CAMK2D: variants seen among roughly 807,000 people sequenced by gnomAD.
CAMK2D encodes the protein calcium/calmodulin-dependent protein kinase type II subunit delta.
CAMK2D carries 37 observed loss-of-function variants against 84.0 expected under a neutral mutation model. That is an observed-to-expected ratio of 0.44 (90% CI 0.34 to 0.58). The LOEUF (loss-of-function observed/expected upper bound fraction) is 0.58, where lower values mean the gene tolerates loss of function less well. CAMK2D is among the 20% of genes least tolerant of loss of function. The pLI is 0.02. For missense variants in CAMK2D, 448 were observed against 652.5 expected (o/e 0.69, Z 3.41); for synonymous variants, 202 against 212.5 (o/e 0.95, Z 0.43).
At chr4:113,508,878 A>G (rs558383666) in intron 13 of CAMK2D, among the ~76,000 whole-genome samples, 1 of 152,298 alleles carries the variant, frequency 6.6e-6, no homozygotes, top group Admixed American at 6.6e-5. Context: ...GAATGTATGC[A>G]TCTGTCCTTG....
At chr4:113,607,102 A>G (rs2098980935) in intron 4 of CAMK2D, among the ~76,000 whole-genome samples, 1 of 152,180 alleles carries the variant, frequency 6.6e-6, no homozygotes, top group African/African-American at 2.4e-5. Flanking sequence ...ATTTGTTGCT[A>G]GCATACCTAT....
chr4:113,747,843 G>A (rs772345603), intron 2 of CAMK2D, among the ~76,000 whole-genome samples: 4 of 151,822 alleles, frequency 2.6e-5, no homozygotes, highest in Admixed American at 1.3e-4. Flanking sequence ...TTAATGATTC[G>A]TTGGAAGAAA....
At chr4:113,579,823 C>A (rs373047120) in intron 4 of CAMK2D, among the ~76,000 whole-genome samples, 31 of 152,278 alleles carry the variant, frequency 2.0e-4, no homozygotes, top group African/African-American at 6.7e-4. Context: ...AAACAGAGAA[C>A]TTTATTAAAA....
chr4:113,723,939 C>G (rs1002977101), intron 2 of CAMK2D, among the ~76,000 whole-genome samples: 1 of 152,086 alleles, frequency 6.6e-6, no homozygotes, highest in South Asian at 2.1e-4. Context: ...TTATTAATTG[C>G]CTTTTCAATA....
intron 4 of CAMK2D, among the ~76,000 whole-genome samples, chr4:113,568,699 CAT>C (rs1306233004): frequency 6.6e-6 from 1 of 152,188 alleles, no homozygotes; most frequent in Non-Finnish European, 1.5e-5. Context: ...CAGCAACCTA[CAT>C]GAGTTCCAAC....
chr4:113,645,969 G>A (rs2099150343), intron 3 of CAMK2D, among the ~76,000 whole-genome samples: 1 of 152,230 alleles, frequency 6.6e-6, no homozygotes, highest in Non-Finnish European at 1.5e-5. Flanking sequence ...ACGATAAGGA[G>A]ATGTTAAGGA....
intron 2 of CAMK2D, among the ~76,000 whole-genome samples, chr4:113,679,199 G>T (rs902961725): frequency 2.0e-5 from 3 of 152,002 alleles, no homozygotes; most frequent in Admixed American, 1.3e-4. Flanking sequence ...AAAAAATAAG[G>T]AAATATGAAA....
rs572880051 is a variant in CAMK2D at position 113,636,058 on chromosome 4, A to G, written c.220+25655T>C. 2.0e-4 allele frequency among the ~76,000 whole-genome samples: 30 copies of G among 152,276 alleles called. No individual in the cohort carries two copies. In the East Asian group the frequency reaches 2.7e-3, roughly 14 times the overall value. ...CTACCAGATTTCAGACTCACATCCA[A>G]TGACGTCTTTGGCATCTCCAACTCA... On this transcript the variant is annotated intron_variant, in intron 3 of 20. Coordinates refer to ENST00000511664, the MANE Select transcript of CAMK2D (RefSeq NM_001321571.2).
At chr4:113,520,086 C>T (rs1304068370) in intron 8 of CAMK2D, among the ~76,000 whole-genome samples, 1 of 152,130 alleles carries the variant, frequency 6.6e-6, no homozygotes, top group East Asian at 1.9e-4. Flanking sequence ...GCTAGGTCCT[C>T]TAAACAAATG....
chr4:113,610,886 C>T (rs988652317), intron 3 of CAMK2D, among the ~76,000 whole-genome samples: 22 of 152,104 alleles, frequency 1.4e-4, no homozygotes. Flanking sequence ...GTCACCAATA[C>T]TGCCCAACAG....
intron 16 of CAMK2D, among the ~76,000 whole-genome samples, chr4:113,473,117 C>A (rs2097566487): frequency 6.6e-6 from 1 of 152,136 alleles, no homozygotes; most frequent in Admixed American, 6.6e-5. Flanking sequence ...CACCTAAATG[C>A]CTTTGAACTT....
At chr4:113,626,783 C>G (rs981376015) in intron 3 of CAMK2D, among the ~76,000 whole-genome samples, 2 of 152,114 alleles carry the variant, frequency 1.3e-5, no homozygotes, top group African/African-American at 4.8e-5. Flanking sequence ...CAGCATCTAA[C>G]TTTAAACAAC....
intron 2 of CAMK2D, among the ~76,000 whole-genome samples, chr4:113,737,117 C>T (rs1244385180): frequency 1.3e-5 from 2 of 152,154 alleles, no homozygotes; most frequent in South Asian, 2.1e-4. Context: ...AACTTTATCA[C>T]TGATATACTT....
chr4:113,600,326 G>T (rs1244144872), intron 4 of CAMK2D, among the ~76,000 whole-genome samples: 1 of 152,134 alleles, frequency 6.6e-6, no homozygotes, highest in African/African-American at 2.4e-5. Flanking sequence ...TTATACAGTA[G>T]TACAATGTAC....
intron 2 of CAMK2D, among the ~76,000 whole-genome samples, chr4:113,683,783 T>A (rs2099352227): frequency 6.6e-6 from 1 of 152,144 alleles, no homozygotes; most frequent in African/African-American, 2.4e-5. Context: ...AGCTAACAAA[T>A]TAATCCTGTG....
At chr4:113,572,577 A>G (rs546074371) in intron 4 of CAMK2D, among the ~76,000 whole-genome samples, 1 of 152,340 alleles carries the variant, frequency 6.6e-6, no homozygotes, top group South Asian at 2.1e-4. Context: ...CAAAACCACA[A>G]TGAGATACCA....
At chr4:113,695,979 T>G (rs1398378103) in intron 2 of CAMK2D, among the ~76,000 whole-genome samples, 1 of 152,130 alleles carries the variant, frequency 6.6e-6, no homozygotes, top group Non-Finnish European at 1.5e-5. Flanking sequence ...CTGGTCTCCT[T>G]GCTTCTCTTT....
At chr4:113,603,770 A>ATT (rs1274218507) in intron 4 of CAMK2D, among the ~76,000 whole-genome samples, 26 of 95,234 alleles carry the variant, frequency 2.7e-4, no homozygotes, top group East Asian at 4.4e-4. Flanking sequence ...ATTTCTTGCT[A>ATT]TTTTATATAT....
chr4:113,719,627 A>G (rs1429321815), intron 2 of CAMK2D, among the ~76,000 whole-genome samples: 2 of 152,214 alleles, frequency 1.3e-5, no homozygotes, highest in Non-Finnish European at 2.9e-5. Flanking sequence ...CTAAATACGT[A>G]TGATTCACAA....
Sources: allele counts gnomAD v4.1 joint callset (sites outside exome capture counted in the v4.1 genomes callset), GRCh38; gene constraint gnomAD v4.1.1; transcripts MANE v1.5; gene names NCBI Gene and HGNC (gene_info 2026-07-23, HGNC 2026-07-21).